The following LARP1 variants were observed in gnomAD, a reference collection of about 807,000 sequenced individuals.
LARP1 encodes la-related protein 1.
In LARP1, 36 loss-of-function variants were observed where a neutral mutation model predicts 122.7. The ratio of observed to expected loss-of-function variants is 0.29; its 90% CI spans 0.22 to 0.39. The LOEUF (loss-of-function observed/expected upper bound fraction) is 0.39. LARP1 is among the 10% of genes least tolerant of loss of function. The pLI is 1.00. For synonymous variants in LARP1, 539 were observed against 528.7 expected (o/e 1.02, Z -0.27); for missense variants, 1,040 against 1,403.6 (o/e 0.74, Z 4.14).
In LARP1 at chr5:154,816,742, C is replaced by T. The variant is rs969081208; in HGVS notation, c.*2646C>T. On this transcript the variant is annotated 3_prime_UTR_variant, in exon 19 of 19. Coordinates refer to ENST00000518297, the MANE Select transcript of LARP1 (RefSeq NM_033551.3). ...GGATCCAAGACCTGAGATAAAGCAACAGCCTGCCCAGATCCCTCTGTTCAT... is the reference window on the plus strand; with the variant it reads ...GGATCCAAGACCTGAGATAAAGCAATAGCCTGCCCAGATCCCTCTGTTCAT... The T allele has an allele frequency of 6.6e-6, 1 of 152,438 alleles. No homozygotes were observed. Among genetic ancestry groups the T allele is most frequent in the Non-Finnish European group, 1.5e-5 (1 of 68,102 alleles). The allele number at this position is 152,438 out of a possible 1,614,324, so 9.4% of individuals were successfully genotyped here. A position where few individuals can be genotyped will look rare whatever the true frequency, so the allele number is the denominator to read the frequency against.
intron 1 of LARP1, among the ~76,000 whole-genome samples, chr5:154,697,274 C>T (rs1276778585): frequency 1.3e-5 from 2 of 151,422 alleles, no homozygotes; most frequent in Non-Finnish European, 2.9e-5. Flanking sequence ...TTTGCATGAC[C>T]CAGTTCCTAG....
chr5:154,755,375 C>T (rs1247654753), upstream of LARP1, among the ~76,000 whole-genome samples: 9 of 151,150 alleles, frequency 6.0e-5, no homozygotes, highest in Admixed American at 1.3e-4. Flanking sequence ...TCTCCCCCGT[C>T]CGTCCATATT....
chr5:154,781,443 A>C (rs903726863), intron 1 of LARP1, among the ~76,000 whole-genome samples: 16 of 152,060 alleles, frequency 1.1e-4, no homozygotes, highest in Non-Finnish European at 2.1e-4. Flanking sequence ...ATACAAAAAA[A>C]TTAGCTGGGC....
intron 1 of LARP1, among the ~76,000 whole-genome samples, chr5:154,705,937 A>G (rs774358288): frequency 6.6e-6 from 1 of 152,206 alleles, no homozygotes; most frequent in Non-Finnish European, 1.5e-5. Flanking sequence ...TCACAGCACT[A>G]TTCACAATAG....
chr5:154,799,592 C>T lies in LARP1; in HGVS notation c.1379C>T (p.Ala460Val). 1 of 1,614,100 alleles carries T rather than the reference C, an allele frequency of 6.2e-7. No homozygotes were observed. Among genetic ancestry groups the T allele is most frequent in the Non-Finnish European group, 8.5e-7 (1 of 1,179,964 alleles). The stretch of plus-strand genomic sequence containing the variant: ...CCTCTTCCTTCTCCTCCCCTTCAGG[C>T]CCTAAAGGACAGCAAGGTGGTGGAG... ...LTTDISLIFA[A>V]LKDSKVVEIV... Residue 460 changes from alanine to valine, a missense_variant and splice_region_variant, in exon 9 of 19, where the codon GCC (alanine) becomes GTC (valine). Physicochemically the swap from Ala to Val is moderately conservative, Grantham distance 64. Transcript: ENST00000518297.
intron 1 of LARP1, among the ~76,000 whole-genome samples, chr5:154,685,267 A>G (rs1753875902): frequency 6.7e-6 from 1 of 149,570 alleles, no homozygotes; most frequent in Non-Finnish European, 1.5e-5. Context: ...AAAGAATTGC[A>G]CTCCTTAATG....
chr5:154,735,701 TG>T (rs1426590349), intron 1 of LARP1, among the ~76,000 whole-genome samples: 2 of 151,630 alleles, frequency 1.3e-5, no homozygotes, highest in Non-Finnish European at 2.9e-5. Flanking sequence ...CCTGAGTAGC[TG>T]GGATTACAGG....
At chr5:154,800,581 G>A (rs1048768631) in intron 10 of LARP1, among the ~76,000 whole-genome samples, 5 of 150,120 alleles carry the variant, frequency 3.3e-5, no homozygotes, top group Admixed American at 6.7e-5. Context: ...CAGATGAAAG[G>A]AAGGAGACAT....
chr5:154,810,413 G>A (rs906746872), intron 16 of LARP1, among the ~76,000 whole-genome samples: 5 of 151,606 alleles, frequency 3.3e-5, no homozygotes, highest in Admixed American at 2.6e-4. Flanking sequence ...TCCAGCCTGG[G>A]TGACTGAGCG....
chr5:154,758,450 T>TTC (rs1441468625), intron 1 of LARP1, among the ~76,000 whole-genome samples: 2 of 152,226 alleles, frequency 1.3e-5, no homozygotes, highest in Non-Finnish European at 2.9e-5. Flanking sequence ...ATCCAGTAGC[T>TTC]TCTCTCTCTA....
chr5:154,797,230 T>G (rs1317767711), intron 8 of LARP1, among the ~76,000 whole-genome samples: 37 of 123,156 alleles, frequency 3.0e-4, no homozygotes, highest in African/African-American at 6.3e-4. Flanking sequence ...TGTTTTTTTT[T>G]TTTTTTTTTT....
intron 1 of LARP1, among the ~76,000 whole-genome samples, chr5:154,690,838 G>C (rs1754163136): frequency 6.6e-6 from 1 of 152,256 alleles, no homozygotes; most frequent in African/African-American, 2.4e-5. Context: ...ACAGTCCTCA[G>C]GATTCCCGAA....
At chr5:154,742,903 T>C (rs1349631529) in intron 1 of LARP1, among the ~76,000 whole-genome samples, 1 of 152,132 alleles carries the variant, frequency 6.6e-6, no homozygotes, top group East Asian at 1.9e-4. Context: ...AAGCAGCCCT[T>C]TTCCTACATC....
chr5:154,778,717 G>A (rs983569500), intron 1 of LARP1, among the ~76,000 whole-genome samples: 1 of 152,178 alleles, frequency 6.6e-6, no homozygotes, highest in African/African-American at 2.4e-5. Context: ...AAGAGCTCTG[G>A]TGTCTGCGCC....
Position 154,767,484 on chromosome 5 carries a change from A to G in LARP1, c.436+11291A>G, listed in dbSNP as rs1025619770. Among the ~76,000 whole-genome samples, 4 of 152,162 alleles carry G rather than the reference A, an allele frequency of 2.6e-5. No homozygotes were observed. In the East Asian group the frequency reaches 7.7e-4, roughly 29 times the overall value. ...GTAGCCTACGTGAACTCTCAGAGCC[A>G]GTTTTTCTGACCTTGCCCTAGGCTG... On this transcript the variant is annotated intron_variant, in intron 1 of 18. Transcript: ENST00000518297.
rs74810829 is a variant in LARP1, at chr5:154,791,640, C to T, written c.564+930C>T. Among the ~76,000 whole-genome samples, 29 of 152,260 alleles carry T rather than the reference C, an allele frequency of 1.9e-4. 1 individual carries two copies. The East Asian group carries it at 5.2e-3, about 27-fold the overall frequency. ...TACAGTTTTCCTGTGTTATACATGG[C>T]GGGGCTGGTGGCAGGTGTTGGTTCT... is the stretch of plus-strand genomic sequence containing the variant. On this transcript the variant is annotated intron_variant, in intron 3 of 18. Coordinates refer to ENST00000518297, the MANE Select transcript of LARP1 (RefSeq NM_033551.3).
intron 1 of LARP1, among the ~76,000 whole-genome samples, chr5:154,747,237 C>T (rs1025691300): frequency 1.5e-4 from 22 of 149,352 alleles, no homozygotes; most frequent in African/African-American, 4.9e-4. Flanking sequence ...ACACGGGAGA[C>T]GGAGGTTGCA....
intron 3 of LARP1, among the ~76,000 whole-genome samples, chr5:154,791,326 G>A (rs907496909): frequency 6.6e-5 from 10 of 151,748 alleles, no homozygotes; most frequent in African/African-American, 1.5e-4. Flanking sequence ...TGATTCTCCC[G>A]CCTCAGCCTC....
chr5:154,774,636 C>G (rs1213224447), intron 1 of LARP1, among the ~76,000 whole-genome samples: 2 of 152,094 alleles, frequency 1.3e-5, no homozygotes, highest in Non-Finnish European at 2.9e-5. Context: ...CAGTAAAGGT[C>G]CCTATTGGCT....
Sources: gnomAD v4.1 joint callset for allele counts (sites outside exome capture counted in the v4.1 genomes callset) on GRCh38, gnomAD v4.1.1 for gene constraint, MANE v1.5 for transcripts, NCBI Gene and HGNC (gene_info 2026-07-23, HGNC 2026-07-21) for gene names.